Variants in MIB1 observed in about 807,000 individuals in gnomAD.
MIB1 encodes E3 ubiquitin-protein ligase MIB1.
MIB1 carries 278 observed loss-of-function variants against 124.5 expected under a neutral mutation model. The observed-to-expected ratio is 2.23, with a 90% CI of 2.02 to 2.47. The LOEUF is 2.47. Ranked by LOEUF, MIB1 falls within the 30% of genes most tolerant of loss-of-function variation. The probability of loss-of-function intolerance (pLI) is 0.00; values close to 1 mark genes in which losing one functional copy is unlikely to be tolerated. For synonymous variants in MIB1, 446 were observed against 429.4 expected (o/e 1.04, Z -0.48); for missense variants, 957 against 1,254.4 (o/e 0.76, Z 3.58).
At chr18:21,784,669 G>A (rs3017056) in intron 6 of MIB1, among the ~76,000 whole-genome samples, 1,874 of 152,272 alleles carry the variant, frequency 0.012, 49 homozygotes, top group African/African-American at 0.043. Flanking sequence ...AGATATAGGA[G>A]CTGAAGGGAC....
intron 18 of MIB1, chr18:21,854,555 C>T (rs559368060): frequency 6.3e-6 from 1 of 157,886 alleles, no homozygotes; most frequent in African/African-American, 2.4e-5. Flanking sequence ...TATAATATTT[C>T]CCCCCAGGAG....
rs748118812 is a variant in MIB1 at position 21,799,850 on chromosome 18, C to G, written c.1247C>G (p.Ser416Ter). The change falls in exon 9 of 21, where the codon TCA becomes TGA. Residue 416 changes from serine to a stop codon, truncating the protein, a stop_gained. Coordinates refer to ENST00000261537, the MANE Select transcript of MIB1 (RefSeq NM_020774.4). LOFTEE classifies it high-confidence loss of function. ...ATTTGATGCTTTACAGAAAGACTCT[C>G]ACAACTCCTGAAGAAATTATTTGAA... is the stretch of plus-strand genomic sequence containing the variant. ...AISNASGERL[S>*]QLLKKLFETQ... The G allele has an allele frequency of 4.3e-6, 7 of 1,609,814 alleles. No homozygotes were observed. Among genetic ancestry groups the G allele is most frequent in the South Asian group, 2.2e-5 (2 of 90,508 alleles).
intron 7 of MIB1, among the ~76,000 whole-genome samples, chr18:21,793,704 C>G (rs1171621628): frequency 2.2e-5 from 3 of 138,984 alleles, no homozygotes; most frequent in African/African-American, 8.1e-5. Context: ...TCTCTTGAGC[C>G]CAGGAGGTTG....
At position 21,778,134 on chromosome 18, in the gene MIB1, G is replaced by T; in HGVS notation, c.668G>T (p.Gly223Val). 2 of 1,612,696 alleles carry T rather than the reference G, an allele frequency of 1.2e-6. No homozygotes were observed. Among genetic ancestry groups the T allele is most frequent in the Non-Finnish European group, 8.5e-7 (1 of 1,179,042 alleles). ...CTGAAATGTGTCCAGGATGCCAAGG[G>T]AGGTTCTTTCTACAGAGATCACTGC... ...SDLKCVQDAK[G>V]GSFYRDHCPV... is the part of the protein sequence containing the mutation. The change falls in exon 5 of 21, where the codon GGA becomes GTA. Residue 223 changes from glycine (G) to valine (V), a missense_variant. Transcript: ENST00000261537.
At chr18:21,858,404 G>T in intron 19 of MIB1, 142 bp from the exon 20 acceptor site, 1 of 520,000 alleles carries the variant, frequency 1.9e-6, no homozygotes, top group Non-Finnish European at 3.5e-6. Context: ...ACTGTATGTT[G>T]TCCAAGTGTG....
chr18:21,863,963 G>A (rs2042298613), intron 20 of MIB1, among the ~76,000 whole-genome samples: 1 of 151,950 alleles, frequency 6.6e-6, no homozygotes, highest in African/African-American at 2.4e-5. Context: ...CCGAGATTGC[G>A]CCACTGCACT....
At chr18:21,705,946 A>G (rs962329703) in intron 1 of MIB1, among the ~76,000 whole-genome samples, 5 of 152,346 alleles carry the variant, frequency 3.3e-5, no homozygotes, top group Admixed American at 1.3e-4. Flanking sequence ...ACACCTGAGC[A>G]CACATAGCAA....
intron 13 of MIB1, among the ~76,000 whole-genome samples, chr18:21,839,096 A>G (rs1042842625): frequency 1.9e-4 from 29 of 152,224 alleles, no homozygotes; most frequent in African/African-American, 7.0e-4. Context: ...GCAAGCATAA[A>G]CCATATAGAT....
chr18:21,779,342 C>T, intron 5 of MIB1, 139 bp from the exon 6 acceptor site: 1 of 665,668 alleles, frequency 1.5e-6, no homozygotes, highest in Non-Finnish European at 2.6e-6. Context: ...AAATTTTATA[C>T]TTATAGGGAA....
chr18:21,762,062 AT>A (rs1378987944), intron 1 of MIB1, among the ~76,000 whole-genome samples: 1 of 152,190 alleles, frequency 6.6e-6, no homozygotes, highest in East Asian at 1.9e-4. Context: ...TAATTTTATA[AT>A]TTTAAAAAGA....
intron 1 of MIB1, among the ~76,000 whole-genome samples, chr18:21,718,670 G>A (rs914188193): frequency 2.6e-5 from 4 of 152,308 alleles, no homozygotes; most frequent in East Asian, 1.9e-4. Flanking sequence ...GAGTTCTTAC[G>A]CATCAATAGT....
At position 21,843,224 on chromosome 18, in the gene MIB1, T is replaced by G. The variant is rs2042107549; in HGVS notation, c.2049+7T>G. 6.4e-7 allele frequency: 1 copy of G among 1,556,072 alleles called. No homozygotes were observed. Among genetic ancestry groups the G allele is most frequent in the African/African-American group, 1.4e-5 (1 of 71,792 alleles). Reference sequence around the variant, plus strand: ...GCATACCCAGATTGTTAGGGTAAAGTATTGACATACATTTTAGCTTATAAT... The same window carrying G: ...GCATACCCAGATTGTTAGGGTAAAGGATTGACATACATTTTAGCTTATAAT... On this transcript the variant is annotated splice_region_variant and intron_variant, in intron 14 of 20. Coordinates refer to ENST00000261537, the MANE Select transcript of MIB1 (RefSeq NM_020774.4).
At chr18:21,793,034 A>G (rs2041524663) in intron 7 of MIB1, among the ~76,000 whole-genome samples, 3 of 152,218 alleles carry the variant, frequency 2.0e-5, no homozygotes, top group Admixed American at 6.5e-5. Flanking sequence ...GTAGAGATAA[A>G]CCACTGACAG....
Position 21,779,533 on chromosome 18 carries a change from A to C in MIB1, c.756A>C (p.Val252=), listed in dbSNP as rs192282083. 1.3e-4 allele frequency: 210 copies of C among 1,614,160 alleles called. No homozygotes were observed. In the East Asian group the frequency reaches 4.1e-3, roughly 32 times the overall value. The change falls in exon 6 of 21, where the codon GTA becomes GTC. Residue 252 remains valine, a synonymous_variant. Transcript: ENST00000261537. The part of the protein sequence containing the change: ...NPGGLQIGDL[V]NIDLDLEIVQ... ...GTGGATTGCAGATTGGTGACCTGGTAAATATAGATCTCGACCTCGAAATTG... is the reference window on the plus strand; with the variant it reads ...GTGGATTGCAGATTGGTGACCTGGTCAATATAGATCTCGACCTCGAAATTG...
At chr18:21,820,022 T>C (rs1291216752) in intron 12 of MIB1, among the ~76,000 whole-genome samples, 1 of 152,230 alleles carries the variant, frequency 6.6e-6, no homozygotes, top group Non-Finnish European at 1.5e-5. Flanking sequence ...TAAGACTAAA[T>C]AAATACTAAG....
chr18:21,773,239 G>A (rs1187982108), intron 3 of MIB1, among the ~76,000 whole-genome samples: 2 of 152,170 alleles, frequency 1.3e-5, no homozygotes, highest in African/African-American at 4.8e-5. Flanking sequence ...ACTCCAGCCC[G>A]GGCGACAAGA....
intron 12 of MIB1, chr18:21,831,154 C>A (rs545476080): frequency 6.6e-6 from 1 of 151,172 alleles, no homozygotes; most frequent in Non-Finnish European, 1.5e-5. Flanking sequence ...CTTACTCCCC[C>A]CAAATAACTG....
intron 18 of MIB1, 145 bp from the exon 19 acceptor site, chr18:21,856,985 T>C (rs2042234672): frequency 3.2e-6 from 2 of 621,866 alleles, no homozygotes; most frequent in African/African-American, 3.6e-5. Flanking sequence ...GTTGATAACA[T>C]TTTAAGGAGG....
Position 21,864,515 on chromosome 18 carries a change from T to C in MIB1, c.2881-11T>C. 1 of 1,600,576 alleles carries C rather than the reference T, an allele frequency of 6.2e-7. No individual in the cohort carries two copies. The highest frequency in any genetic ancestry group is 8.6e-7 in the Non-Finnish European group (1 of 1,169,554). ...GTGTCTAATTTATTACTTTGTTATC[T>C]CACATTACAGACAATGTGCCCTGTG... is the stretch of plus-strand genomic sequence containing the variant. On this transcript the variant is annotated splice_polypyrimidine_tract_variant and intron_variant, in intron 20 of 20. Coordinates refer to ENST00000261537, the MANE Select transcript of MIB1 (RefSeq NM_020774.4).
Sources: allele counts gnomAD v4.1 joint callset (sites outside exome capture counted in the v4.1 genomes callset), GRCh38; gene constraint gnomAD v4.1.1; transcripts MANE v1.5; gene names NCBI Gene and HGNC (gene_info 2026-07-23, HGNC 2026-07-21).